Variants in FNDC3B observed in about 807,000 individuals in gnomAD.
FNDC3B encodes fibronectin type III domain-containing protein 3B.
Under a neutral mutation model 151.5 loss-of-function variants are expected in FNDC3B, and 12 were observed. The ratio of observed to expected loss-of-function variants is 0.08; its 90% CI spans 0.05 to 0.13. The LOEUF is 0.13. Ranked by LOEUF, FNDC3B falls within the 10% of genes least tolerant of loss-of-function variation. FNDC3B has a pLI of 1.00. For missense variants in FNDC3B, 1,214 were observed against 1,505.3 expected (o/e 0.81, Z 3.20); for synonymous variants, 528 against 549.0 (o/e 0.96, Z 0.54).
intron 25 of FNDC3B, among the ~76,000 whole-genome samples, chr3:172,382,975 C>T (rs865861890): frequency 2.6e-4 from 40 of 152,182 alleles, no homozygotes; most frequent in African/African-American, 9.1e-4. Context: ...CCATATGAAA[C>T]TTAAAGTAGG....
rs79994420 is a variant in FNDC3B, at chr3:172,199,878, A to T, written c.188-26993A>T. On this transcript the variant is annotated intron_variant, in intron 3 of 25. Coordinates refer to ENST00000415807, the MANE Select transcript of FNDC3B (RefSeq NM_022763.4). ...TTGCGAAGTGAAAATTGTGAGGAAC[A>T]TCTCCTGCCACCACACAGTTTACAA... is the stretch of plus-strand genomic sequence containing the variant. 2.2e-4 allele frequency among the ~76,000 whole-genome samples: 33 copies of T among 152,328 alleles called. No individual in the cohort carries two copies. In the East Asian group the frequency reaches 5.8e-3, roughly 27 times the overall value.
intron 3 of FNDC3B, among the ~76,000 whole-genome samples, chr3:172,215,734 C>T (rs1725945323): frequency 6.6e-6 from 1 of 152,154 alleles, no homozygotes; most frequent in African/African-American, 2.4e-5. Flanking sequence ...AATTCTGCCC[C>T]GTTCCTGCTG....
At chr3:172,288,817 A>G (rs7628246) in intron 7 of FNDC3B, among the ~76,000 whole-genome samples, 32,474 of 152,116 alleles carry the variant, frequency 0.21, 3,525 homozygotes, top group Middle Eastern at 0.25. Flanking sequence ...CTTTGCCAAC[A>G]TGTGGGTGGT....
intron 3 of FNDC3B, among the ~76,000 whole-genome samples, chr3:172,181,260 T>A (rs908510517): frequency 6.6e-6 from 1 of 151,142 alleles, no homozygotes; most frequent in Admixed American, 6.6e-5. Context: ...ATTGGCTGGG[T>A]GTGGTGGCGT....
chr3:172,128,751 C>A (rs183443525), intron 2 of FNDC3B, among the ~76,000 whole-genome samples: 95 of 152,210 alleles, frequency 6.2e-4, no homozygotes, highest in Non-Finnish European at 1.1e-3. Flanking sequence ...CTTAAAGATA[C>A]CTGTTGGATA....
Position 172,040,375 on chromosome 3 carries a change from C to T in FNDC3B, c.-29+604C>T, listed in dbSNP as rs964750244. On this transcript the variant is annotated intron_variant, in intron 1 of 25. Coordinates refer to ENST00000415807, the MANE Select transcript of FNDC3B (RefSeq NM_022763.4). This position sits in a 1 kb window ranked among gnomAD's most constrained non-coding sequence, Gnocchi z 6.6. ...CCGGGGATGCTCGCGGGGAGGGTCCCGAGCCCGCGCCGGCCTGGCCCCCCC... is the reference window on the plus strand; with the variant it reads ...CCGGGGATGCTCGCGGGGAGGGTCCTGAGCCCGCGCCGGCCTGGCCCCCCC... 1.3e-5 allele frequency among the ~76,000 whole-genome samples: 2 copies of T among 151,840 alleles called. No individual in the cohort carries two copies. The highest frequency in any genetic ancestry group is 1.5e-5 in the Non-Finnish European group (1 of 67,884).
chr3:172,193,408 A>C (rs1458451998), intron 3 of FNDC3B, among the ~76,000 whole-genome samples: 1 of 142,390 alleles, frequency 7.0e-6, no homozygotes, highest in Admixed American at 7.3e-5. Context: ...CTCAAGTATA[A>C]TAAGGGATAT....
chr3:172,235,488 A>G (rs1258281973), intron 4 of FNDC3B, among the ~76,000 whole-genome samples: 1 of 152,110 alleles, frequency 6.6e-6, no homozygotes, highest in Non-Finnish European at 1.5e-5. Context: ...GTATGTTTGA[A>G]ACTTAGAACC....
At chr3:172,158,021 C>T (rs1316038392) in intron 3 of FNDC3B, among the ~76,000 whole-genome samples, 2 of 152,154 alleles carry the variant, frequency 1.3e-5, no homozygotes, top group African/African-American at 2.4e-5. Context: ...TCCTTCTACC[C>T]TGTGTGGACA....
At chr3:172,271,032 G>T (rs1468452748) in intron 6 of FNDC3B, among the ~76,000 whole-genome samples, 4 of 152,170 alleles carry the variant, frequency 2.6e-5, no homozygotes, top group African/African-American at 9.7e-5. Flanking sequence ...TCCTATAAAT[G>T]TGGTCTTGTA....
chr3:172,143,328 C>T (rs995171644), intron 3 of FNDC3B, among the ~76,000 whole-genome samples: 18 of 152,238 alleles, frequency 1.2e-4, no homozygotes, highest in Middle Eastern at 3.4e-3. Context: ...ATTAGCTTCT[C>T]TTACCTGTAA....
At chr3:172,238,049 A>C (rs1727261892) in intron 4 of FNDC3B, among the ~76,000 whole-genome samples, 1 of 152,264 alleles carries the variant, frequency 6.6e-6, no homozygotes, top group Non-Finnish European at 1.5e-5. Flanking sequence ...AGCCATTTAC[A>C]GATGTGAAGA....
rs564327368 is a variant in FNDC3B, at chr3:172,331,112, T to C, written c.1554+397T>C. Among the ~76,000 whole-genome samples, 8 of 152,326 alleles carry C rather than the reference T, an allele frequency of 5.3e-5. No individual in the cohort carries two copies. The South Asian group carries it at 1.2e-3, about 24-fold the overall frequency. ...TAGCCTCTTAATATTCCTAACTTCATCCTTACTAGGCTTCAGTCTGTTCTC... is the reference window on the plus strand; with the variant it reads ...TAGCCTCTTAATATTCCTAACTTCACCCTTACTAGGCTTCAGTCTGTTCTC... On this transcript the variant is annotated intron_variant, in intron 13 of 25. Coordinates refer to ENST00000415807, the MANE Select transcript of FNDC3B (RefSeq NM_022763.4).
intron 5 of FNDC3B, among the ~76,000 whole-genome samples, chr3:172,250,149 T>G (rs958601791): frequency 4.6e-5 from 7 of 152,336 alleles, no homozygotes; most frequent in South Asian, 4.1e-4. Context: ...AAATTTAAAT[T>G]TAACATAAAG....
At chr3:172,133,218 A>C (rs1721195269) in intron 2 of FNDC3B, among the ~76,000 whole-genome samples, 2 of 152,222 alleles carry the variant, frequency 1.3e-5, no homozygotes, top group African/African-American at 2.4e-5. Context: ...TTTTCAAAGA[A>C]AAGTTTTCTT....
At chr3:172,181,198 G>C (rs1357478671) in intron 3 of FNDC3B, among the ~76,000 whole-genome samples, 3 of 151,136 alleles carry the variant, frequency 2.0e-5, no homozygotes, top group South Asian at 4.2e-4. Flanking sequence ...CCAGCAGTTC[G>C]AGACCAGCCT....
intron 16 of FNDC3B, chr3:172,337,618 A>G (rs906510798): frequency 5.7e-5 from 27 of 477,842 alleles, no homozygotes; most frequent in Admixed American, 2.3e-4. Flanking sequence ...GTTATTTAAC[A>G]ATTTTTCTGT....
rs563366718 is a variant in FNDC3B at position 172,278,842 on chromosome 3, G to T, written c.791-7084G>T. 1.6e-4 allele frequency among the ~76,000 whole-genome samples: 25 copies of T among 152,154 alleles called. No individual in the cohort carries two copies. In the East Asian group the frequency reaches 4.3e-3, roughly 26 times the overall value. ...CTCAGGGGGCTGAGGCAGAAAAATC[G>T]CTTGAACCCAGGAGGCAGAGGTTGC... On this transcript the variant is annotated intron_variant, in intron 6 of 25. Coordinates refer to ENST00000415807, the MANE Select transcript of FNDC3B (RefSeq NM_022763.4).
intron 3 of FNDC3B, among the ~76,000 whole-genome samples, chr3:172,179,844 T>G (rs1723793504): frequency 8.7e-6 from 1 of 115,598 alleles, no homozygotes; most frequent in African/African-American, 3.5e-5. Flanking sequence ...GGCAACAGAG[T>G]GAGGCCCTGT....
Sources: gnomAD v4.1 joint callset for allele counts (sites outside exome capture counted in the v4.1 genomes callset) on GRCh38, gnomAD v4.1.1 for gene constraint, Gnocchi (gnomAD v3.1) non-coding constraint, MANE v1.5 for transcripts, NCBI Gene and HGNC (gene_info 2026-07-23, HGNC 2026-07-21) for gene names.